ATXN7L1: variants seen among roughly 807,000 people sequenced by gnomAD.
The protein encoded by ATXN7L1 is ataxin-7-like protein 1.
In ATXN7L1, 15 loss-of-function variants were observed where a neutral mutation model predicts 70.8. The ratio of observed to expected loss-of-function variants is 0.21; its 90% CI spans 0.14 to 0.33. The LOEUF (loss-of-function observed/expected upper bound fraction) is 0.33. Among genes scored for constraint, ATXN7L1 ranks in the 10% least tolerant of loss-of-function variants. ATXN7L1 has a pLI of 1.00. For missense variants in ATXN7L1, 975 were observed against 1,097.1 expected, an observed-to-expected ratio of 0.89 and a Z score of 1.57; for synonymous variants, 440 against 445.1, an observed-to-expected ratio of 0.99 and a Z score of 0.14.
In ATXN7L1 at chr7:105,876,498, T is replaced by C; in HGVS notation, c.61A>G (p.Lys21Glu). The change falls in exon 1 of 12, where the codon AAA becomes GAA. Residue 21 changes from lysine (K) to glutamate (E), a missense_variant. Physicochemically the swap from Lys to Glu is moderately conservative, Grantham distance 56. Transcript: ENST00000419735. ...ATTGCTCTTCCTTCTTGTTGCTTTT[T>C]CCCTGTTCCTTCGGCAGCAGCAGCC... The part of the protein sequence containing the change: ...LSAAAAEGTG[K>E]KQQEGRAMAT... The C allele has an allele frequency of 2.5e-6, 4 of 1,613,150 alleles. No individual in the cohort carries two copies. The highest frequency in any genetic ancestry group is 3.4e-6 in the Non-Finnish European group (4 of 1,179,624).
intron 4 of ATXN7L1, among the ~76,000 whole-genome samples, chr7:105,657,333 C>A (rs1800817336): frequency 6.6e-6 from 1 of 152,086 alleles, no homozygotes; most frequent in South Asian, 2.1e-4. Flanking sequence ...ATTGAAAAAA[C>A]CAGAGGGTCC....
At chr7:105,653,958 G>A (rs190804772) in intron 4 of ATXN7L1, among the ~76,000 whole-genome samples, 4 of 152,212 alleles carry the variant, frequency 2.6e-5, no homozygotes, top group East Asian at 1.9e-4. Context: ...TCCTTCCTAG[G>A]TGTTTCTGCT....
chr7:105,619,514 ATATATATATATATATATTTTTTTTTTTTT>A (rs1707264274), intron 9 of ATXN7L1, among the ~76,000 whole-genome samples: 3 of 16,420 alleles, frequency 1.8e-4, no homozygotes, highest in African/African-American at 8.8e-4. Flanking sequence ...ATATATATAT[ATATATATATATATATATTTTTTTTTTTTT>A]TTTTTTTTTT....
At chr7:105,771,675 A>G (rs972159736) in intron 3 of ATXN7L1, among the ~76,000 whole-genome samples, 2 of 152,218 alleles carry the variant, frequency 1.3e-5, no homozygotes, top group Admixed American at 1.3e-4. Context: ...CATGATTTCA[A>G]TTCTTTATTG....
intron 3 of ATXN7L1, among the ~76,000 whole-genome samples, chr7:105,751,639 G>T (rs537620855): frequency 3.5e-5 from 5 of 144,688 alleles, no homozygotes; most frequent in African/African-American, 1.3e-4. Context: ...CTGTCTCAAA[G>T]AAAAAAAAAA....
intron 3 of ATXN7L1, among the ~76,000 whole-genome samples, chr7:105,785,595 G>A (rs200283097): frequency 1.3e-5 from 2 of 150,596 alleles, no homozygotes. Context: ...CAAGGAAAGA[G>A]AAAAAAAAAA....
intron 3 of ATXN7L1, among the ~76,000 whole-genome samples, chr7:105,770,571 G>A (rs1028643695): frequency 3.3e-5 from 5 of 152,110 alleles, no homozygotes; most frequent in Non-Finnish European, 7.3e-5. Flanking sequence ...TGTGTGCTGT[G>A]CTGACCTCAA....
At chr7:105,759,072 A>G (rs1482776956) in intron 3 of ATXN7L1, among the ~76,000 whole-genome samples, 2 of 151,900 alleles carry the variant, frequency 1.3e-5, no homozygotes, top group Non-Finnish European at 2.9e-5. Flanking sequence ...CACATCACCA[A>G]CTACTACACA....
In ATXN7L1 at chr7:105,671,104, C is replaced by CAAAAAA. The variant is rs71155469; in HGVS notation, c.356-5822_356-5817dup. Among the ~76,000 whole-genome samples the CAAAAAA allele has an allele frequency of 8.6e-4, 77 of 89,692 alleles. 1 individual carries two copies. Among genetic ancestry groups the CAAAAAA allele is most frequent in the African/African-American group, 1.7e-3 (43 of 24,582 alleles). 58.8% of individuals were successfully genotyped at this position (89,692 alleles called of 152,430 possible). A position where few individuals can be genotyped will look rare whatever the true frequency, so the allele number is the denominator to read the frequency against. On this transcript the variant is annotated intron_variant, in intron 3 of 11. Transcript: ENST00000419735. ...CCTGGGCGACAGCGAGACTACGTCTCAAAAAAAAAAAAAAAAAAAAAAAAA... is the reference window on the plus strand; with the variant it reads ...CCTGGGCGACAGCGAGACTACGTCTCAAAAAAAAAAAAAAAAAAAAAAAAAAAAAAA...
At chr7:105,774,835 G>A (rs1428360424) in intron 3 of ATXN7L1, among the ~76,000 whole-genome samples, 9 of 152,104 alleles carry the variant, frequency 5.9e-5, no homozygotes, top group African/African-American at 2.2e-4. Flanking sequence ...TGTAAACTAA[G>A]CCATTGTTAT....
chr7:105,758,880 C>T (rs1464581660), intron 3 of ATXN7L1, among the ~76,000 whole-genome samples: 2 of 152,098 alleles, frequency 1.3e-5, no homozygotes, highest in Non-Finnish European at 2.9e-5. Flanking sequence ...TAAAAAAGGC[C>T]CTTGATTTGG....
chr7:105,852,597 G>A (rs769591790), intron 2 of ATXN7L1, among the ~76,000 whole-genome samples: 25 of 151,998 alleles, frequency 1.6e-4, no homozygotes, highest in Non-Finnish European at 3.1e-4. Flanking sequence ...CAGCAATCCT[G>A]CACAGGGCCC....
At chr7:105,734,873 AAG>A (rs999876862) in intron 3 of ATXN7L1, among the ~76,000 whole-genome samples, 5 of 152,144 alleles carry the variant, frequency 3.3e-5, no homozygotes, top group African/African-American at 1.2e-4. Context: ...GGAGCAAGCA[AAG>A]AGAGAATACC....
chr7:105,619,140 G>GTTTTTTTTTT (rs1191774371), intron 9 of ATXN7L1, among the ~76,000 whole-genome samples: 3,441 of 49,812 alleles, frequency 0.069, 1,253 homozygotes, highest in East Asian at 0.11. Context: ...GAAATCTTTA[G>GTTTTTTTTTT]TTTTTTTTTT....
Position 105,682,130 on chromosome 7 carries a change from TGGGA to T in ATXN7L1, c.356-16846_356-16843del, listed in dbSNP as rs142606414. Among the ~76,000 whole-genome samples the T allele has an allele frequency of 3.4e-3, 515 of 151,982 alleles. 2 individuals are homozygous for T. Among genetic ancestry groups the T allele is most frequent in the Admixed American group, 1.0e-2 (152 of 15,252 alleles). ...GTCCCAGCTACTGGGGAGGCTGAGG[TGGGA>T]GGATGGCTTGAACCCAGGAGGCGGA... is the stretch of plus-strand genomic sequence containing the variant. On this transcript the variant is annotated intron_variant, in intron 3 of 11. Coordinates refer to ENST00000419735, the MANE Select transcript of ATXN7L1 (RefSeq NM_020725.2).
intron 3 of ATXN7L1, among the ~76,000 whole-genome samples, chr7:105,704,044 C>T (rs1275856802): frequency 3.3e-5 from 5 of 152,192 alleles, no homozygotes; most frequent in South Asian, 2.1e-4. Flanking sequence ...CCACATCTAT[C>T]TTTTACAACC....
chr7:105,687,978 A>G (rs1370400692), intron 3 of ATXN7L1, among the ~76,000 whole-genome samples: 3 of 152,216 alleles, frequency 2.0e-5, no homozygotes, highest in African/African-American at 7.2e-5. Context: ...ATGTTTAACC[A>G]TGCTTTTTAC....
At chr7:105,831,931 C>G (rs916575131) in intron 2 of ATXN7L1, among the ~76,000 whole-genome samples, 1 of 152,102 alleles carries the variant, frequency 6.6e-6, no homozygotes, top group Non-Finnish European at 1.5e-5. Flanking sequence ...CTGAAGAAAT[C>G]AGAGTTGTTT....
At chr7:105,661,317 T>C (rs971371416) in intron 4 of ATXN7L1, among the ~76,000 whole-genome samples, 1 of 151,874 alleles carries the variant, frequency 6.6e-6, no homozygotes, top group African/African-American at 2.4e-5. Flanking sequence ...GTACCAGGGG[T>C]AGAGATGGGG....
Sources: allele counts gnomAD v4.1 joint callset (sites outside exome capture counted in the v4.1 genomes callset), GRCh38; gene constraint gnomAD v4.1.1; transcripts MANE v1.5; gene names NCBI Gene and HGNC (gene_info 2026-07-23, HGNC 2026-07-21).